Variants in GNE observed in about 807,000 individuals in gnomAD.
GNE encodes glucosamine (UDP-N-acetyl)-2-epimerase/N-acetylmannosamine kinase, also known as bifunctional UDP-N-acetylglucosamine 2-epimerase/N-acetylmannosamine kinase.
Under a neutral mutation model 61.8 loss-of-function variants are expected in GNE, and 41 were observed. The ratio of observed to expected loss-of-function variants is 0.66; its 90% confidence interval spans 0.52 to 0.86. The LOEUF (loss-of-function observed/expected upper bound fraction) is 0.86, where lower values mean the gene tolerates loss of function less well. GNE is among the 40% of genes least tolerant of loss of function. The pLI is 0.00. For missense variants in GNE, 608 were observed against 909.1 expected, an observed-to-expected ratio of 0.67 and a Z score of 4.26; for synonymous variants, 264 against 326.4, an observed-to-expected ratio of 0.81 and a Z score of 2.06.
chr9:36,222,766 A>T lies in GNE; in HGVS notation c.1633+11T>A, dbSNP rs769940520. On this transcript the variant is annotated intron_variant, in intron 9 of 11. Coordinates refer to ENST00000642385, the MANE Select transcript of GNE (RefSeq NM_005476.7). Reference sequence around the variant, plus strand: ...CTAGCTCCTGAACCAACCTCCCCCTACCCCTCTTACCTGTGCCTGTGATAA... The same window carrying T: ...CTAGCTCCTGAACCAACCTCCCCCTTCCCCTCTTACCTGTGCCTGTGATAA... The T allele has an allele frequency of 2.5e-6, 4 of 1,573,786 alleles. No homozygotes were observed. The South Asian group carries it at 4.4e-5, about 17-fold the overall frequency.
intron 1 of GNE, among the ~76,000 whole-genome samples, chr9:36,251,410 T>A (rs567470477): frequency 7.2e-4 from 110 of 152,304 alleles, no homozygotes; most frequent in Non-Finnish European, 1.2e-3. Context: ...TGGAATTTTT[T>A]AAAAAGTTTT....
At chr9:36,231,401 C>T (rs1023389447) in intron 5 of GNE, among the ~76,000 whole-genome samples, 5 of 152,184 alleles carry the variant, frequency 3.3e-5, no homozygotes, top group African/African-American at 1.2e-4. Context: ...GCTATGAATA[C>T]ACCACTGCAC....
chr9:36,261,552 CA>C (rs566779282), upstream of GNE, among the ~76,000 whole-genome samples: 2,122 of 88,312 alleles, frequency 0.024, 32 homozygotes, highest in African/African-American at 0.059. Flanking sequence ...GACTCCGTCT[CA>C]AAAAAAAAAA....
At chr9:36,268,056 C>T (rs1416735656) in intron 1 of GNE, 2 of 151,586 alleles carry the variant, frequency 1.3e-5, no homozygotes, top group Non-Finnish European at 2.9e-5. Flanking sequence ...GGAGGATCGC[C>T]TGAGCCTGGG....
intron 3 of GNE, among the ~76,000 whole-genome samples, chr9:36,238,542 A>G (rs1324458605): frequency 6.6e-6 from 1 of 151,868 alleles, no homozygotes; most frequent in Non-Finnish European, 1.5e-5. Context: ...CCATTTGTAT[A>G]TTTTCTTTTG....
intron 5 of GNE, among the ~76,000 whole-genome samples, chr9:36,231,171 A>G (rs1441732285): frequency 6.6e-6 from 1 of 152,130 alleles, no homozygotes; most frequent in Non-Finnish European, 1.5e-5. Flanking sequence ...AAAGAAAACA[A>G]ACAAAACACA....
At chr9:36,227,180 T>C in intron 7 of GNE, 68 bp downstream of exon 7, 3 of 960,852 alleles carry the variant, frequency 3.1e-6, no homozygotes, top group Non-Finnish European at 5.1e-6. Context: ...CTTCCAACTA[T>C]ATATACTTAA....
chr9:36,245,156 C>T (rs1331107855), intron 3 of GNE, among the ~76,000 whole-genome samples: 6 of 150,938 alleles, frequency 4.0e-5, no homozygotes, highest in East Asian at 2.0e-4. Context: ...CCCAGCCACT[C>T]GGGAGGTTGA....
At chr9:36,227,652 T>C (rs781172519) in intron 6 of GNE, among the ~76,000 whole-genome samples, 194 bp from the exon 7 acceptor site, 4 of 152,078 alleles carry the variant, frequency 2.6e-5, no homozygotes, top group Non-Finnish European at 4.4e-5. Flanking sequence ...GGCAGGAAGA[T>C]TGCTTGAGCC....
intron 10 of GNE, 95 bp downstream of exon 10, chr9:36,219,743 C>T: frequency 1.8e-6 from 2 of 1,138,232 alleles, no homozygotes; most frequent in Admixed American, 1.7e-5. Flanking sequence ...AAGGGGGAAA[C>T]TTCTGGCTTC....
chr9:36,253,567 C>T (rs998352451), intron 1 of GNE, among the ~76,000 whole-genome samples: 3 of 151,572 alleles, frequency 2.0e-5, no homozygotes, highest in Non-Finnish European at 4.4e-5. Flanking sequence ...CATGAGCCAC[C>T]GCGCCCAGCC....
At chr9:36,242,300 A>G (rs992200247) in intron 3 of GNE, among the ~76,000 whole-genome samples, 1 of 151,582 alleles carries the variant, frequency 6.6e-6, no homozygotes, top group Non-Finnish European at 1.5e-5. Flanking sequence ...AAAAAAAAAA[A>G]GCAATTTTAG....
intron 1 of GNE, among the ~76,000 whole-genome samples, chr9:36,272,440 T>C (rs1831061629): frequency 1.3e-5 from 2 of 151,188 alleles, no homozygotes; most frequent in Non-Finnish European, 2.9e-5. Flanking sequence ...GCTAACACAG[T>C]GAAACCCTGT....
chr9:36,223,318 G>T, intron 8 of GNE, 55 bp downstream of exon 8: 1 of 1,503,646 alleles, frequency 6.7e-7, no homozygotes, highest in Non-Finnish European at 9.3e-7. Context: ...TCACAAGTTA[G>T]TAAATTTTGT....
chr9:36,247,627 T>C (rs1320988358), intron 2 of GNE, among the ~76,000 whole-genome samples: 1 of 152,140 alleles, frequency 6.6e-6, no homozygotes, highest in Non-Finnish European at 1.5e-5. Flanking sequence ...GTCAAAGCTT[T>C]CTCAGAGCAG....
intron 1 of GNE, among the ~76,000 whole-genome samples, chr9:36,270,719 A>G (rs1830996584): frequency 1.3e-5 from 2 of 151,478 alleles, no homozygotes; most frequent in South Asian, 4.2e-4. Flanking sequence ...GGGTTTCACC[A>G]TGTTAGCCAG....
chr9:36,271,456 C>T (rs1407687799), intron 1 of GNE, among the ~76,000 whole-genome samples: 1 of 152,218 alleles, frequency 6.6e-6, no homozygotes. Flanking sequence ...TCACTGAAAC[C>T]TCCACCTCCC....
intron 9 of GNE, among the ~76,000 whole-genome samples, chr9:36,220,422 G>C (rs1381352983): frequency 6.6e-6 from 1 of 152,194 alleles, no homozygotes; most frequent in African/African-American, 2.4e-5. Flanking sequence ...ACCTGCAACC[G>C]AGGCAAGGCA....
intron 2 of GNE, 37 bp downstream of exon 2, chr9:36,249,155 T>C: frequency 2.0e-6 from 3 of 1,531,200 alleles, no homozygotes; most frequent in Non-Finnish European, 2.7e-6. Flanking sequence ...TCTAGCACAC[T>C]GTTGCAATGA....
Sources: gnomAD v4.1 joint callset for allele counts (sites outside exome capture counted in the v4.1 genomes callset) on GRCh38, gnomAD v4.1.1 for gene constraint, MANE v1.5 for transcripts, NCBI Gene and HGNC (gene_info 2026-07-23, HGNC 2026-07-21) for gene names.